The following AKAP13 variants were observed in gnomAD, a reference collection of about 807,000 sequenced individuals.
AKAP13 encodes the protein A-kinase anchor protein 13.
Under a neutral mutation model 264.5 loss-of-function variants are expected in AKAP13, and 80 were observed. The ratio of observed to expected loss-of-function variants is 0.30; its 90% CI spans 0.25 to 0.36. The LOEUF (loss-of-function observed/expected upper bound fraction) is 0.36, where lower values mean the gene tolerates loss of function less well. AKAP13 is among the 10% of genes least tolerant of loss of function. AKAP13 has a pLI of 1.00. For missense variants in AKAP13, 3,712 were observed against 3,435.2 expected (o/e 1.08, Z -2.01); for synonymous variants, 1,380 against 1,250.2 (o/e 1.10, Z -2.19).
intron 1 of AKAP13, among the ~76,000 whole-genome samples, chr15:85,382,438 T>G (rs190534559): frequency 7.2e-4 from 110 of 152,308 alleles, no homozygotes; most frequent in African/African-American, 2.5e-3. Context: ...GCTTTTAGGA[T>G]TCACAGTACT....
At chr15:85,602,341 A>G (rs1397334446) in intron 8 of AKAP13, among the ~76,000 whole-genome samples, 2 of 151,474 alleles carry the variant, frequency 1.3e-5, no homozygotes, top group Non-Finnish European at 2.9e-5. Context: ...ATGCCCAGCT[A>G]ATTTTTGTAT....
intron 24 of AKAP13, 56 bp downstream of exon 24, chr15:85,722,172 C>T (rs930693416): frequency 2.7e-5 from 44 of 1,610,520 alleles, no homozygotes; most frequent in Admixed American, 8.4e-5. Context: ...GTGTCCCTGT[C>T]GGCTTTCACT....
intron 1 of AKAP13, among the ~76,000 whole-genome samples, chr15:85,432,851 A>G (rs1043391775): frequency 1.3e-5 from 2 of 152,036 alleles, no homozygotes; most frequent in Non-Finnish European, 2.9e-5. Context: ...GTTTGCTGTC[A>G]TATTTTTGAA....
At chr15:85,645,775 G>GTTTTTTTTTTT in intron 9 of AKAP13, 43 bp from the exon 10 acceptor site, 5 of 1,371,584 alleles carry the variant, frequency 3.6e-6, no homozygotes, top group South Asian at 1.4e-5. Context: ...TGGTTTTTTT[G>GTTTTTTTTTTT]TTTTTTTTTT....
Position 85,580,563 on chromosome 15 carries a change from C to T in AKAP13, c.2495C>T (p.Ser832Leu), listed in dbSNP as rs866368520. 12 of 1,614,186 alleles carry T rather than the reference C, an allele frequency of 7.4e-6. No homozygotes were observed. Among genetic ancestry groups the T allele is most frequent in the African/African-American group, 4.0e-5 (3 of 75,048 alleles). Residue 832 changes from serine to leucine, a missense_variant, in exon 7 of 37, where the codon TCG (serine) becomes TTG (leucine). Ser to Leu is a moderately radical substitution (Grantham distance 145). Coordinates refer to ENST00000394518, the MANE Select transcript of AKAP13 (RefSeq NM_007200.5). ...TATAGAGATGGCCCAGATGGAAATT[C>T]GAATGAGCCTGATACGCGGCCACTA... ...TDYRDGPDGN[S>L]NEPDTRPLED...
Position 85,693,440 on chromosome 15 carries a change from A to G in AKAP13, c.5453A>G (p.Tyr1818Cys), listed in dbSNP as rs370941058. The change falls in exon 17 of 37, where the codon TAT becomes TGT. Residue 1818 changes from tyrosine (Y) to cysteine (C), a missense_variant. Coordinates refer to ENST00000394518, the MANE Select transcript of AKAP13 (RefSeq NM_007200.5). The stretch of plus-strand genomic sequence containing the variant: ...AAGCCCTTCACCAACAAAGATGCCT[A>G]TACTTGTGCAAGTAAGAGACATGCT... ...CMKPFTNKDA[Y>C]TCANCSAFVH... 21 of 1,612,554 alleles carry G rather than the reference A, an allele frequency of 1.3e-5. No homozygotes were observed. Among genetic ancestry groups the G allele is most frequent in the African/African-American group, 9.4e-5 (7 of 74,844 alleles).
intron 14 of AKAP13, among the ~76,000 whole-genome samples, chr15:85,672,206 AT>A (rs1332500333): frequency 6.6e-6 from 1 of 152,174 alleles, no homozygotes; most frequent in African/African-American, 2.4e-5. Context: ...CCTCATTCTG[AT>A]TTGTAGTGTA....
At chr15:85,472,364 A>C (rs1038624308) in intron 1 of AKAP13, among the ~76,000 whole-genome samples, 2 of 151,942 alleles carry the variant, frequency 1.3e-5, no homozygotes, top group African/African-American at 4.8e-5. Flanking sequence ...AAACAAAGAC[A>C]ACAACTCAAC....
At chr15:85,519,196 C>G (rs1462489682) in intron 2 of AKAP13, among the ~76,000 whole-genome samples, 1 of 151,986 alleles carries the variant, frequency 6.6e-6, no homozygotes, top group African/African-American at 2.4e-5. Flanking sequence ...TAGTGCAAAA[C>G]TAGCCATGGA....
At chr15:85,618,091 C>T (rs1014903399) in intron 8 of AKAP13, among the ~76,000 whole-genome samples, 3 of 152,134 alleles carry the variant, frequency 2.0e-5, no homozygotes, top group Non-Finnish European at 4.4e-5. Context: ...GAGATAAAAC[C>T]TTATGGCTTT....
At chr15:85,734,954 A>G in intron 30 of AKAP13, 38 bp from the exon 31 acceptor site, 1 of 1,597,752 alleles carries the variant, frequency 6.3e-7, no homozygotes, top group Non-Finnish European at 8.5e-7. Flanking sequence ...CCTCATTGAA[A>G]GATAAGATGT....
chr15:85,382,307 A>G (rs534082349), intron 1 of AKAP13: 30 of 152,360 alleles, frequency 2.0e-4, no homozygotes, highest in African/African-American at 7.2e-4. Context: ...CCTGTGGAGA[A>G]GCGTTCCTGG....
intron 1 of AKAP13, among the ~76,000 whole-genome samples, chr15:85,440,046 C>G (rs1427299653): frequency 2.0e-5 from 3 of 151,998 alleles, no homozygotes; most frequent in Non-Finnish European, 2.9e-5. Flanking sequence ...TTGGAAATTA[C>G]TGTAAAGGAA....
At chr15:85,623,918 T>C (rs1054323468) in intron 8 of AKAP13, among the ~76,000 whole-genome samples, 1 of 152,384 alleles carries the variant, frequency 6.6e-6, no homozygotes, top group South Asian at 2.1e-4. Context: ...GGTACCAATA[T>C]GCCCATTTTC....
chr15:85,624,829 A>G (rs951985071), intron 8 of AKAP13, among the ~76,000 whole-genome samples: 1 of 152,190 alleles, frequency 6.6e-6, no homozygotes, highest in Non-Finnish European at 1.5e-5. Flanking sequence ...GACTGATGGG[A>G]ACACATTGTG....
chr15:85,608,841 T>A (rs1030779629), intron 8 of AKAP13, among the ~76,000 whole-genome samples: 1 of 152,156 alleles, frequency 6.6e-6, no homozygotes, highest in Non-Finnish European at 1.5e-5. Flanking sequence ...CAAGGGAGAT[T>A]AGACTGGATG....
intron 1 of AKAP13, among the ~76,000 whole-genome samples, chr15:85,403,495 G>T (rs2071519431): frequency 1.3e-5 from 2 of 152,142 alleles, no homozygotes; most frequent in South Asian, 4.1e-4. Context: ...GCATGGTCTT[G>T]TGACTTGCTG....
At chr15:85,402,685 T>C (rs1388984269) in intron 1 of AKAP13, among the ~76,000 whole-genome samples, 2 of 152,310 alleles carry the variant, frequency 1.3e-5, no homozygotes, top group African/African-American at 2.4e-5. Flanking sequence ...TTCGAGCACT[T>C]ACTTTGTAGC....
chr15:85,624,103 G>C (rs1023963219), intron 8 of AKAP13, among the ~76,000 whole-genome samples: 2 of 152,186 alleles, frequency 1.3e-5, no homozygotes, highest in African/African-American at 4.8e-5. Flanking sequence ...TCAGAATCAA[G>C]GATTAACTGC....
Sources: allele counts gnomAD v4.1 joint callset (sites outside exome capture counted in the v4.1 genomes callset), GRCh38; gene constraint gnomAD v4.1.1; transcripts MANE v1.5; gene names NCBI Gene and HGNC (gene_info 2026-07-23, HGNC 2026-07-21).